PCSK5: variants seen among roughly 807,000 people sequenced by gnomAD.
PCSK5 encodes the protein prohormone convertase 5.
Under a neutral mutation model 233.2 loss-of-function variants are expected in PCSK5, and 129 were observed. The observed-to-expected ratio is 0.55, with a 90% CI of 0.48 to 0.64. The LOEUF (loss-of-function observed/expected upper bound fraction) is 0.64, where lower values mean the gene tolerates loss of function less well. Ranked by LOEUF, PCSK5 falls within the 30% of genes least tolerant of loss-of-function variation. The pLI, the probability that PCSK5 is intolerant of heterozygous loss-of-function variation, is 0.00. For synonymous variants in PCSK5, 825 were observed against 879.2 expected, an observed-to-expected ratio of 0.94 and a Z score of 1.09; for missense variants, 2,076 against 2,430.1, an observed-to-expected ratio of 0.85 and a Z score of 3.06.
chr9:75,946,826 G>C (rs1824595810), intron 2 of PCSK5, among the ~76,000 whole-genome samples: 1 of 152,120 alleles, frequency 6.6e-6, no homozygotes, highest in Non-Finnish European at 1.5e-5. Context: ...CTGACCTCGT[G>C]ATCCACCCAC....
At position 76,359,024 on chromosome 9, in the gene PCSK5, T is replaced by G; in HGVS notation, c.*102T>G. 1.1e-6 allele frequency: 1 copy of G among 894,790 alleles called. No individual in the cohort carries two copies. Among genetic ancestry groups the G allele is most frequent in the Admixed American group, 2.5e-5 (1 of 40,422 alleles). 55.4% of individuals were successfully genotyped at this position (894,790 alleles called of 1,614,324 possible). A position where few individuals can be genotyped will look rare whatever the true frequency, so the allele number is the denominator to read the frequency against. On this transcript the variant is annotated 3_prime_UTR_variant, in exon 38 of 38. Coordinates refer to ENST00000674117, the MANE Select transcript of PCSK5 (RefSeq NM_001372043.1). The stretch of plus-strand genomic sequence containing the variant: ...CACACCAGGCTGATGTGTGAGTTTT[T>G]CTATTTGTCTTCTTTAACCATGAGT...
At chr9:76,219,107 G>T (rs1424087731) in intron 20 of PCSK5, among the ~76,000 whole-genome samples, 1 of 152,156 alleles carries the variant, frequency 6.6e-6, no homozygotes, top group Non-Finnish European at 1.5e-5. Flanking sequence ...TGCAGCTAGA[G>T]CCCCAGGCCT....
At chr9:75,972,670 T>G (rs1381240761) in intron 2 of PCSK5, among the ~76,000 whole-genome samples, 2 of 152,182 alleles carry the variant, frequency 1.3e-5, no homozygotes, top group African/African-American at 4.8e-5. Context: ...ATGATTTAGC[T>G]CTCTGCTTGT....
At chr9:76,283,395 C>A (rs760659390) in intron 24 of PCSK5, among the ~76,000 whole-genome samples, 1 of 152,170 alleles carries the variant, frequency 6.6e-6, no homozygotes, top group Non-Finnish European at 1.5e-5. Context: ...CCATCAATAT[C>A]GAGGCAAGAC....
At chr9:76,048,318 C>T (rs1829496334) in intron 5 of PCSK5, among the ~76,000 whole-genome samples, 1 of 152,086 alleles carries the variant, frequency 6.6e-6, no homozygotes, top group Non-Finnish European at 1.5e-5. Flanking sequence ...TAATATCATT[C>T]TTGCATGGAT....
At chr9:76,030,930 A>T (rs1828629072) in intron 5 of PCSK5, among the ~76,000 whole-genome samples, 1 of 152,006 alleles carries the variant, frequency 6.6e-6, no homozygotes, top group African/African-American at 2.4e-5. Context: ...TGGGGGATTG[A>T]TTGTTGGAGG....
intron 2 of PCSK5, among the ~76,000 whole-genome samples, chr9:75,974,245 G>C (rs1825921195): frequency 6.6e-6 from 1 of 152,134 alleles, no homozygotes; most frequent in African/African-American, 2.4e-5. Context: ...CTTCCCGTAG[G>C]GCTGGCGTAG....
intron 3 of PCSK5, among the ~76,000 whole-genome samples, chr9:75,989,528 G>T (rs1181761891): frequency 1.3e-5 from 2 of 151,990 alleles, no homozygotes; most frequent in Non-Finnish European, 2.9e-5. Flanking sequence ...CATAGATTCT[G>T]AGGGTCAGGA....
At chr9:76,085,012 A>T (rs1199300203) in intron 7 of PCSK5, among the ~76,000 whole-genome samples, 1 of 152,204 alleles carries the variant, frequency 6.6e-6, no homozygotes, top group Non-Finnish European at 1.5e-5. Flanking sequence ...GCCTCACAGG[A>T]ACACTCAGCT....
intron 20 of PCSK5, among the ~76,000 whole-genome samples, chr9:76,222,027 AG>A (rs1263621596): frequency 6.6e-6 from 1 of 152,222 alleles, no homozygotes; most frequent in African/African-American, 2.4e-5. Context: ...GTAGGGATGT[AG>A]AACCCTCTTT....
intron 10 of PCSK5, among the ~76,000 whole-genome samples, chr9:76,140,576 G>T (rs1416325): frequency 0.19 from 28,532 of 151,928 alleles, 3,867 homozygotes; most frequent in East Asian, 0.6. Flanking sequence ...AATTAGTTCA[G>T]TTACCTGGAG....
intron 12 of PCSK5, among the ~76,000 whole-genome samples, chr9:76,160,896 C>T (rs1019511727): frequency 3.9e-5 from 6 of 152,020 alleles, no homozygotes; most frequent in African/African-American, 1.5e-4. Context: ...GCCTGAGCCT[C>T]TCCAGTAGTT....
chr9:76,283,971 C>G (rs1339571746), intron 24 of PCSK5, among the ~76,000 whole-genome samples: 1 of 152,186 alleles, frequency 6.6e-6, no homozygotes, highest in Non-Finnish European at 1.5e-5. Flanking sequence ...GCCATTTCTT[C>G]TGGTTACAAT....
At chr9:76,213,698 C>T (rs1335433626) in intron 20 of PCSK5, among the ~76,000 whole-genome samples, 1 of 152,164 alleles carries the variant, frequency 6.6e-6, no homozygotes, top group Non-Finnish European at 1.5e-5. Context: ...GCTGTACCCA[C>T]TTGATACCCC....
intron 29 of PCSK5, 30 bp from the exon 30 acceptor site, chr9:76,310,626 T>C (rs1828838027): frequency 6.9e-7 from 1 of 1,450,358 alleles, no homozygotes; most frequent in Non-Finnish European, 9.3e-7. Flanking sequence ...TGATGACTAT[T>C]CCCATCTTCC....
chr9:76,272,456 A>G (rs1217384798), intron 24 of PCSK5, among the ~76,000 whole-genome samples: 2 of 152,014 alleles, frequency 1.3e-5, no homozygotes, highest in African/African-American at 4.8e-5. Context: ...CAAATCTAAA[A>G]TGACTTCCCA....
At chr9:76,148,313 C>T (rs1449059928) in intron 10 of PCSK5, among the ~76,000 whole-genome samples, 1 of 147,282 alleles carries the variant, frequency 6.8e-6, no homozygotes, top group East Asian at 2.2e-4. Context: ...AAGTCTGTTG[C>T]TTAGAGAGGG....
At chr9:76,310,614 C>T (rs1028321487) in intron 29 of PCSK5, 42 bp from the exon 30 acceptor site, 4 of 1,340,454 alleles carry the variant, frequency 3.0e-6, no homozygotes, top group African/African-American at 2.9e-5. Context: ...TGGAAAACCA[C>T]ATGATGACTA....
chr9:75,939,272 G>T (rs1239880090), intron 2 of PCSK5, among the ~76,000 whole-genome samples: 1 of 152,160 alleles, frequency 6.6e-6, no homozygotes, highest in East Asian at 1.9e-4. Flanking sequence ...AGAAGCACTA[G>T]GGCAATAATA....
Sources: allele counts gnomAD v4.1 joint callset (sites outside exome capture counted in the v4.1 genomes callset), GRCh38; gene constraint gnomAD v4.1.1; transcripts MANE v1.5; gene names NCBI Gene and HGNC (gene_info 2026-07-23, HGNC 2026-07-21).